The following DNAJC9 variants were observed in gnomAD, a reference collection of about 807,000 sequenced individuals.
DNAJC9 encodes dnaJ homolog subfamily C member 9.
DNAJC9 carries 18 observed loss-of-function variants against 32.4 expected under a neutral mutation model. The ratio of observed to expected loss-of-function variants is 0.56; its 90% CI spans 0.38 to 0.82. DNAJC9 has a LOEUF of 0.82. Ranked by LOEUF, DNAJC9 falls within the 40% of genes least tolerant of loss-of-function variation. The pLI is 0.00. For missense variants in DNAJC9, 310 were observed against 321.8 expected (o/e 0.96, Z 0.28); for synonymous variants, 113 against 122.1 (o/e 0.93, Z 0.49).
chr10:73,235,235 G>A (rs1220050457), downstream of DNAJC9: 1 of 1,551,748 alleles, frequency 6.4e-7, no homozygotes, highest in South Asian at 1.2e-5. Flanking sequence ...TGCGGTGGTG[G>A]ATGAACCTAA....
At chr10:73,234,722 C>G (rs1051773279), downstream of DNAJC9, 9 of 1,349,126 alleles carry the variant, frequency 6.7e-6, no homozygotes, top group Middle Eastern at 5.5e-4. Flanking sequence ...GCACATTAAA[C>G]TCATCTGCTT....
chr10:73,239,044 T>C (rs1269481450), downstream of DNAJC9: 3 of 345,654 alleles, frequency 8.7e-6, no homozygotes, highest in Non-Finnish European at 1.6e-5. Context: ...TATTAAACCA[T>C]ATGGATTATT....
At chr10:73,233,214 T>C (rs2043751403) in intron 2 of DNAJC9, 1 of 1,220,256 alleles carries the variant, frequency 8.2e-7, no homozygotes, top group South Asian at 1.3e-5. Flanking sequence ...CTAACACATT[T>C]TACATACAGA....
chr10:73,246,230 G>C (rs959173003), intron 2 of DNAJC9, 54 bp from the exon 3 acceptor site: 2 of 1,563,128 alleles, frequency 1.3e-6, no homozygotes, highest in Admixed American at 2.1e-5. Flanking sequence ...TAAATAAAAC[G>C]TACGTTAGTA....
In DNAJC9 at chr10:73,243,873, T is replaced by C; in HGVS notation, c.633A>G (p.Glu211=). Residue 211 remains glutamate (E), a synonymous_variant, in exon 4 of 5, where the codon GAA becomes GAG. Transcript: ENST00000372950. ...EMSRKELGLD[E]GVDSLKAAIQ... is the part of the protein sequence containing the mutation. ...TGGCTGCCTTCAGGCTATCCACGCC[T>C]TCATCAAGCCCCAACTCCTTTCTGC... is the stretch of plus-strand genomic sequence containing the variant. 1 of 1,614,096 alleles carries C rather than the reference T, an allele frequency of 6.2e-7. No individual in the cohort carries two copies. The highest frequency in any genetic ancestry group is 8.5e-7 in the Non-Finnish European group (1 of 1,180,018).
intron 1 of DNAJC9, 90 bp from the exon 2 acceptor site, chr10:73,246,918 C>A: frequency 6.3e-7 from 1 of 1,592,102 alleles, no homozygotes; most frequent in Non-Finnish European, 8.6e-7. Context: ...CCAAGCGGAG[C>A]TCAGCGCGCT....
downstream of DNAJC9, chr10:73,239,274 G>T (rs183051005): frequency 1.0e-4 from 149 of 1,493,112 alleles, 1 homozygote; most frequent in African/African-American, 1.9e-3. Flanking sequence ...TTTGTGAGAA[G>T]ATGCATCATA....
intron 2 of DNAJC9, among the ~76,000 whole-genome samples, chr10:73,232,322 T>C (rs1409097095): frequency 6.6e-6 from 1 of 152,192 alleles, no homozygotes; most frequent in Non-Finnish European, 1.5e-5. Context: ...AAAAGGGTTG[T>C]ATTTCAGTTA....
At chr10:73,239,346 A>T, downstream of DNAJC9, 2 of 1,551,680 alleles carry the variant, frequency 1.3e-6, no homozygotes, top group Non-Finnish European at 1.7e-6. Flanking sequence ...TGTGCAGTTG[A>T]GTATCCTCAT....
intron 3 of DNAJC9, among the ~76,000 whole-genome samples, chr10:73,245,714 T>G (rs1195458684): frequency 6.6e-6 from 1 of 152,222 alleles, no homozygotes; most frequent in Non-Finnish European, 1.5e-5. Flanking sequence ...TTAAACAATC[T>G]ATGCAATAAA....
At chr10:73,244,503 A>AG (rs1164684431) in intron 3 of DNAJC9, 2 of 148,142 alleles carry the variant, frequency 1.4e-5, no homozygotes, top group African/African-American at 5.0e-5. Flanking sequence ...TAGAAAAAAG[A>AG]GAAAAAAAAA....
chr10:73,234,128 G>A (rs2043770409), downstream of DNAJC9: 1 of 152,226 alleles, frequency 6.6e-6, no homozygotes, highest in African/African-American at 2.4e-5. Flanking sequence ...TCAAAGGTAT[G>A]AGATAATAAG....
intron 3 of DNAJC9, among the ~76,000 whole-genome samples, chr10:73,244,823 A>G (rs2043989257): frequency 6.7e-6 from 1 of 150,352 alleles, no homozygotes; most frequent in Non-Finnish European, 1.5e-5. Flanking sequence ...AATTAATGCT[A>G]TTAATACTGA....
At chr10:73,239,441 CTT>C (rs544434048), downstream of DNAJC9, 3,269 of 1,342,360 alleles carry the variant, frequency 2.4e-3, 3 homozygotes, top group Non-Finnish European at 3.1e-3. Flanking sequence ...AAGACCCAGC[CTT>C]TGTCTTTTTT....
At chr10:73,245,054 T>C (rs984255767) in intron 3 of DNAJC9, among the ~76,000 whole-genome samples, 7 of 152,204 alleles carry the variant, frequency 4.6e-5, no homozygotes, top group African/African-American at 1.2e-4. Context: ...CTTAAGATAA[T>C]TGTCAGCTTG....
downstream of DNAJC9, chr10:73,234,977 C>T: frequency 6.5e-7 from 1 of 1,548,010 alleles, no homozygotes; most frequent in African/African-American, 1.4e-5. Context: ...ATGTACTTAC[C>T]ATACAACCTA....
chr10:73,239,551 A>G (rs2043896399), downstream of DNAJC9, among the ~76,000 whole-genome samples: 1 of 152,200 alleles, frequency 6.6e-6, no homozygotes, highest in Non-Finnish European at 1.5e-5. Flanking sequence ...ATGGGGTATA[A>G]TAAAAAGCTA....
At chr10:73,240,814 A>T (rs1000066286), downstream of DNAJC9, 9 of 616,830 alleles carry the variant, frequency 1.5e-5, no homozygotes, top group Non-Finnish European at 2.6e-5. Context: ...CTCTTCTACA[A>T]AACTAGTTTA....
At position 73,243,348 on chromosome 10, in the gene DNAJC9, G is replaced by A. The variant is rs1359300095; in HGVS notation, c.*52C>T. ...TGCCTTCAAATCCTGCCTGCACCTT[G>A]CCTACGATGGCATCAATTTACACCT... On this transcript the variant is annotated 3_prime_UTR_variant, in exon 5 of 5. Transcript: ENST00000372950. 6.2e-6 allele frequency: 10 copies of A among 1,603,276 alleles called. No homozygotes were observed. In the African/African-American group the frequency reaches 1.1e-4, roughly 17 times the overall value.
Sources: allele counts gnomAD v4.1 joint callset (sites outside exome capture counted in the v4.1 genomes callset), GRCh38; gene constraint gnomAD v4.1.1; transcripts MANE v1.5; gene names NCBI Gene and HGNC (gene_info 2026-07-23, HGNC 2026-07-21).